Variants in ABAT observed in about 807,000 individuals in gnomAD.
ABAT encodes the protein 4-aminobutyrate aminotransferase, also known as 4-aminobutyrate aminotransferase, mitochondrial.
ABAT carries 45 observed loss-of-function variants against 64.6 expected under a neutral mutation model. The ratio of observed to expected loss-of-function variants is 0.70; its 90% CI spans 0.55 to 0.89. ABAT has a LOEUF of 0.89. Among genes scored for constraint, ABAT ranks in the 40% least tolerant of loss-of-function variants. The pLI, the probability that ABAT is intolerant of heterozygous loss-of-function variation, is 0.00. For synonymous variants in ABAT, 297 were observed against 250.5 expected (o/e 1.19, Z -1.75); for missense variants, 633 against 658.4 (o/e 0.96, Z 0.42).
intron 5 of ABAT, among the ~76,000 whole-genome samples, chr16:8,755,226 C>G (rs2059616899): frequency 6.6e-6 from 1 of 152,080 alleles, no homozygotes; most frequent in African/African-American, 2.4e-5. Context: ...AGGTGGGTCT[C>G]CTACGCCTCC....
In ABAT at chr16:8,768,275, G is replaced by C. The variant is rs546406644; in HGVS notation, c.667+19G>C. ...ACCATGGGTAAGGAGGGACCATTGC[G>C]CTCCCAAGGTGGCGTTTAGAATAGT... On this transcript the variant is annotated intron_variant, in intron 10 of 15. Coordinates refer to ENST00000268251, the MANE Select transcript of ABAT (RefSeq NM_020686.6). The C allele has an allele frequency of 6.2e-7, 1 of 1,612,954 alleles. No homozygotes were observed. The highest frequency in any genetic ancestry group is 1.1e-5 in the South Asian group (1 of 91,030).
intron 1 of ABAT, among the ~76,000 whole-genome samples, chr16:8,703,545 G>A (rs539966650): frequency 3.4e-4 from 52 of 152,240 alleles, no homozygotes; most frequent in African/African-American, 5.8e-4. Context: ...ATAATAGAGC[G>A]TTTAGGTGGA....
chr16:8,748,898 GTGT>G (rs1251562963), intron 4 of ABAT, among the ~76,000 whole-genome samples: 1 of 152,002 alleles, frequency 6.6e-6, no homozygotes, highest in Non-Finnish European at 1.5e-5. Flanking sequence ...CAAACTATTT[GTGT>G]TCTTGAATCT....
chr16:8,679,455 C>T (rs80063567), intron 1 of ABAT, among the ~76,000 whole-genome samples: 1,646 of 150,434 alleles, frequency 0.011, 40 homozygotes, highest in African/African-American at 0.039. Context: ...TCAGGCCAGC[C>T]ACTTTAACTC....
chr16:8,752,728 C>T (rs1489472571), intron 5 of ABAT, among the ~76,000 whole-genome samples: 2 of 152,214 alleles, frequency 1.3e-5, no homozygotes, highest in Non-Finnish European at 2.9e-5. Context: ...GATCACTCCA[C>T]TGCACTCCAG....
At chr16:8,780,513 GCA>G (rs1300325026) in intron 15 of ABAT, 1 of 154,402 alleles carries the variant, frequency 6.5e-6, no homozygotes, top group Non-Finnish European at 1.4e-5. Context: ...TGTAATCCCA[GCA>G]CTTTGGGAGG....
chr16:8,695,177 G>T (rs2057674617), intron 1 of ABAT, among the ~76,000 whole-genome samples: 1 of 152,196 alleles, frequency 6.6e-6, no homozygotes, highest in African/African-American at 2.4e-5. Flanking sequence ...TCCTTTGCAA[G>T]TAAGAGCAGC....
intron 3 of ABAT, among the ~76,000 whole-genome samples, 157 bp from the exon 4 acceptor site, chr16:8,747,951 T>C (rs1039692309): frequency 6.6e-6 from 1 of 152,204 alleles, no homozygotes; most frequent in African/African-American, 2.4e-5. Context: ...GCCAACTATT[T>C]ATATCAAGTA....
intron 1 of ABAT, among the ~76,000 whole-genome samples, chr16:8,733,693 A>G (rs952803401): frequency 3.9e-5 from 6 of 151,954 alleles, no homozygotes; most frequent in African/African-American, 1.5e-4. Flanking sequence ...TGGCGGCGTG[A>G]GGCTGCAATC....
chr16:8,736,143 C>G lies in ABAT; in HGVS notation c.70+334C>G, dbSNP rs1179841106. On this transcript the variant is annotated intron_variant, in intron 2 of 15. Coordinates refer to ENST00000268251, the MANE Select transcript of ABAT (RefSeq NM_020686.6). ...GGGGAACTCCCGTTTGTAAAAACAT[C>G]AGATCGTGTGAGACTTACTCAATTG... 16 of 343,674 alleles carry G rather than the reference C, an allele frequency of 4.7e-5. 1 individual carries two copies. In the East Asian group the frequency reaches 5.5e-4, roughly 12 times the overall value. The allele number at this position is 343,674 out of a possible 1,614,324, so 21.3% of individuals were successfully genotyped here.
At chr16:8,728,051 A>G (rs1365290466) in intron 1 of ABAT, among the ~76,000 whole-genome samples, 1 of 149,170 alleles carries the variant, frequency 6.7e-6, no homozygotes, top group East Asian at 2.0e-4. Flanking sequence ...AGCCTGGGCG[A>G]CAGAGTGAGA....
chr16:8,710,727 A>AGAGAAAGAGAGGGAGAGGGAGG (rs146344975), intron 1 of ABAT, among the ~76,000 whole-genome samples: 1 of 103,700 alleles, frequency 9.6e-6, no homozygotes, highest in Non-Finnish European at 2.1e-5. Context: ...AGAGAGAGAG[A>AGAGAAAGAGAGGGAGAGGGAGG]GAGGAAATAG....
In ABAT at chr16:8,764,083, C is replaced by T. The variant is rs765902964; in HGVS notation, c.381C>T (p.Asn127=). Residue 127 remains asparagine, a synonymous_variant, in exon 7 of 16, where the codon AAC becomes AAT. Coordinates refer to ENST00000268251, the MANE Select transcript of ABAT (RefSeq NM_020686.6). The surrounding 1 kb of genome is among the most constrained non-coding windows in gnomAD (Gnocchi z 4.2). ...CCCTTTTGCAGAGCATGTTTGTCAACAGACCCGCCCTCGGAATCCTGCCTC... is the reference window on the plus strand; with the variant it reads ...CCCTTTTGCAGAGCATGTTTGTCAATAGACCCGCCCTCGGAATCCTGCCTC... ...QQPQNASMFV[N]RPALGILPPE... 8.7e-6 allele frequency: 14 copies of T among 1,613,798 alleles called. No homozygotes were observed. The highest frequency in any genetic ancestry group is 1.7e-5 in the Admixed American group (1 of 59,974).
intron 2 of ABAT, among the ~76,000 whole-genome samples, chr16:8,744,049 C>T (rs144505863): frequency 2.6e-5 from 4 of 152,026 alleles, no homozygotes; most frequent in Non-Finnish European, 4.4e-5. Context: ...TGGGATTCAC[C>T]CGGGAAATCA....
rs966726630 is a variant in ABAT, at chr16:8,732,431, G to C, written c.-41-3268G>C. On this transcript the variant is annotated intron_variant, in intron 1 of 15. Coordinates refer to ENST00000268251, the MANE Select transcript of ABAT (RefSeq NM_020686.6). ...AGGGAGTGGTGATGACTCTTAACGA[G>C]CCTGCTGCCTTCAAGCATCTGTTTA... 7.3e-5 allele frequency among the ~76,000 whole-genome samples: 11 copies of C among 150,444 alleles called. 1 individual carries two copies. The highest frequency in any genetic ancestry group is 2.7e-4 in the African/African-American group (11 of 40,356).
Position 8,764,865 on chromosome 16 carries a change from A to G in ABAT, c.540+35A>G. The G allele has an allele frequency of 1.3e-6, 2 of 1,523,720 alleles. No homozygotes were observed. Among genetic ancestry groups the G allele is most frequent in the Non-Finnish European group, 9.1e-7 (1 of 1,099,536 alleles). 94.4% of individuals were successfully genotyped at this position (1,523,720 alleles called of 1,614,324 possible). On this transcript the variant is annotated intron_variant, in intron 8 of 15. Transcript: ENST00000268251. This position sits in a 1 kb window ranked among gnomAD's most constrained non-coding sequence, Gnocchi z 4.2. ...GGGGCACACACACACACACACACAC[A>G]GGCTCCCCAGCACCCAGCCACACGC...
At position 8,784,040 on chromosome 16, in the gene ABAT, T is replaced by C. The variant is rs1355445426; in HGVS notation, c.*2610T>C. ...AAAGAATTCTCAGCAGAGCTCAAGA[T>C]TGTAGAAACTCAGCAGAAGCTGGTA... On this transcript the variant is annotated 3_prime_UTR_variant, in exon 16 of 16. Coordinates refer to ENST00000268251, the MANE Select transcript of ABAT (RefSeq NM_020686.6). The C allele has an allele frequency of 5.2e-5, 8 of 152,414 alleles. No homozygotes were observed. The East Asian group carries it at 1.2e-3, about 22-fold the overall frequency. 9.4% of individuals were successfully genotyped at this position (152,414 alleles called of 1,614,324 possible).
intron 6 of ABAT, chr16:8,760,357 A>G (rs2059761592): frequency 6.6e-6 from 1 of 152,272 alleles, no homozygotes; most frequent in Non-Finnish European, 1.5e-5. Flanking sequence ...AATCTAAGAA[A>G]GGCAGAAGGA....
rs764665721 is a variant in ABAT at position 8,779,516 on chromosome 16, G to A, written c.1307G>A (p.Arg436Gln). 1.2e-5 allele frequency: 20 copies of A among 1,614,020 alleles called. No individual in the cohort carries two copies. The highest frequency in any genetic ancestry group is 8.9e-5 in the East Asian group (4 of 44,900). ...YPQFISRVRGRGTFCSFDTPD... is the reference protein window; with the variant it reads ...YPQFISRVRGQGTFCSFDTPD... ...CAGTTCATCAGCAGGGTGAGAGGAC[G>A]AGGCACCTTTTGCTCCTTCGATACT... Residue 436 changes from arginine (R) to glutamine (Q), a missense_variant, in exon 15 of 16, where the codon CGA becomes CAA. Physicochemically the swap from Arg to Gln is conservative, Grantham distance 43 (BLOSUM62 1). Transcript: ENST00000268251.
Sources: gnomAD v4.1 joint callset for allele counts (sites outside exome capture counted in the v4.1 genomes callset) on GRCh38, gnomAD v4.1.1 for gene constraint, Gnocchi (gnomAD v3.1) non-coding constraint, MANE v1.5 for transcripts, NCBI Gene and HGNC (gene_info 2026-07-23, HGNC 2026-07-21) for gene names.